Variants in EPS15 observed in about 807,000 individuals in gnomAD.
The protein encoded by EPS15 is epidermal growth factor receptor substrate 15.
Under a neutral mutation model 113.8 loss-of-function variants are expected in EPS15, and 72 were observed. That is an observed-to-expected ratio of 0.63 (90% confidence interval 0.52 to 0.77). The LOEUF (loss-of-function observed/expected upper bound fraction) is 0.77, where lower values mean the gene tolerates loss of function less well. Among genes scored for constraint, EPS15 ranks in the 30% least tolerant of loss-of-function variants. EPS15 has a pLI of 0.00. For missense variants in EPS15, 1,048 were observed against 1,045.8 expected (o/e 1.00, Z -0.03); for synonymous variants, 344 against 363.4 (o/e 0.95, Z 0.61).
intron 1 of EPS15, among the ~76,000 whole-genome samples, chr1:51,492,075 C>T (rs571550793): frequency 6.6e-6 from 1 of 152,076 alleles, no homozygotes; most frequent in Non-Finnish European, 1.5e-5. Flanking sequence ...TCTCAAACTC[C>T]TGGATTTAAG....
At chr1:51,490,860 G>A (rs1021750188) in intron 1 of EPS15, among the ~76,000 whole-genome samples, 3 of 152,014 alleles carry the variant, frequency 2.0e-5, no homozygotes, top group Non-Finnish European at 4.4e-5. Context: ...CTATAAAACC[G>A]GCAAAATTTA....
At chr1:51,357,426 A>ATATTTT (rs1443627608) in intron 24 of EPS15, among the ~76,000 whole-genome samples, 15 of 53,538 alleles carry the variant, frequency 2.8e-4, no homozygotes, top group South Asian at 9.2e-4. Flanking sequence ...ATATATATAT[A>ATATTTT]TTTTTTTTTT....
At chr1:51,363,812 T>C in intron 23 of EPS15, 54 bp downstream of exon 23, 1 of 1,532,634 alleles carries the variant, frequency 6.5e-7, no homozygotes, top group East Asian at 2.3e-5. Flanking sequence ...CACAATACTT[T>C]TCAGAAAGAG....
intron 1 of EPS15, among the ~76,000 whole-genome samples, chr1:51,514,818 T>G (rs1471440660): frequency 6.6e-6 from 1 of 152,212 alleles, no homozygotes; most frequent in Non-Finnish European, 1.5e-5. Flanking sequence ...TTGAGAAGGG[T>G]TAGATATCTC....
intron 1 of EPS15, among the ~76,000 whole-genome samples, chr1:51,491,605 C>T (rs1232262565): frequency 2.0e-5 from 3 of 152,008 alleles, no homozygotes; most frequent in African/African-American, 7.3e-5. Flanking sequence ...TCCAAAGTGA[C>T]AAGGAAAATA....
chr1:51,416,594 C>G (rs1370083278), intron 13 of EPS15, among the ~76,000 whole-genome samples: 1 of 152,122 alleles, frequency 6.6e-6, no homozygotes. Context: ...GGCAAATTAT[C>G]TGCTATCCCT....
intron 24 of EPS15, among the ~76,000 whole-genome samples, chr1:51,358,695 A>ATT (rs1646299139): frequency 7.1e-6 from 1 of 140,390 alleles, no homozygotes. Context: ...TTCCAACCAG[A>ATT]TTTGTTTTTT....
At chr1:51,516,199 A>G (rs1349877886) in intron 1 of EPS15, among the ~76,000 whole-genome samples, 1 of 152,206 alleles carries the variant, frequency 6.6e-6, no homozygotes, top group Non-Finnish European at 1.5e-5. Flanking sequence ...TCTATAAATC[A>G]TAGAACACTG....
intron 1 of EPS15, among the ~76,000 whole-genome samples, chr1:51,515,778 A>C (rs912280133): frequency 1.3e-5 from 2 of 152,250 alleles, no homozygotes; most frequent in Non-Finnish European, 2.9e-5. Flanking sequence ...AGCATCTAGT[A>C]CATAGAGAAG....
Position 51,356,376 on chromosome 1 carries a change from A to G in EPS15, c.*324T>C, listed in dbSNP as rs1447976084. On this transcript the variant is annotated 3_prime_UTR_variant, in exon 25 of 25. Transcript: ENST00000371733. The stretch of plus-strand genomic sequence containing the variant: ...TAGTGCAGGGTGAAACTATTTCTCT[A>G]TATTCCAGAAGGCAGAAGCTTGGGT... The G allele has an allele frequency of 2.8e-5, 8 of 287,866 alleles. No individual in the cohort carries two copies. Among genetic ancestry groups the G allele is most frequent in the Non-Finnish European group, 4.5e-5 (7 of 153,876 alleles). The allele number at this position is 287,866 out of a possible 1,614,324, so 17.8% of individuals were successfully genotyped here. A position where few individuals can be genotyped will look rare whatever the true frequency, so the allele number is the denominator to read the frequency against.
intron 21 of EPS15, among the ~76,000 whole-genome samples, chr1:51,380,023 T>C (rs1646902574): frequency 6.8e-6 from 1 of 147,830 alleles, no homozygotes; most frequent in South Asian, 2.1e-4. Flanking sequence ...ATCTTGCCAC[T>C]GCATTCCAGC....
chr1:51,460,147 G>C (rs1654332637), intron 8 of EPS15, among the ~76,000 whole-genome samples: 1 of 152,184 alleles, frequency 6.6e-6, no homozygotes, highest in African/African-American at 2.4e-5. Context: ...AACCACGAAA[G>C]AGAGTATCAC....
At chr1:51,495,793 G>T (rs921094453) in intron 1 of EPS15, among the ~76,000 whole-genome samples, 2 of 152,142 alleles carry the variant, frequency 1.3e-5, no homozygotes, top group African/African-American at 2.4e-5. Context: ...AATTGGGTGG[G>T]ATGATTAATA....
rs1654645763 is a variant in EPS15 at position 51,463,774 on chromosome 1, C to T, written c.400G>A (p.Ala134Thr). Residue 134 changes from alanine to threonine, a missense_variant, in exon 7 of 25, where the codon GCA (alanine) becomes ACA (threonine). Transcript: ENST00000371733. ...ACTGGGCTTAAACTATCAAATATTG[C>T]ATCATATTTGGCCTTATCTTCAGGC... ...VKPEDKAKYD[A>T]IFDSLSPVNG... The T allele has an allele frequency of 6.3e-7, 1 of 1,597,920 alleles. No individual in the cohort carries two copies. Among genetic ancestry groups the T allele is most frequent in the Middle Eastern group, 1.7e-4 (1 of 6,022 alleles).
intron 8 of EPS15, among the ~76,000 whole-genome samples, chr1:51,449,730 G>C (rs1054830642): frequency 9.2e-5 from 14 of 151,692 alleles, no homozygotes; most frequent in African/African-American, 3.4e-4. Flanking sequence ...TTGGGGGCTA[G>C]GGTTTTTCAG....
chr1:51,455,814 A>G (rs1653953723), intron 8 of EPS15, among the ~76,000 whole-genome samples: 1 of 152,144 alleles, frequency 6.6e-6, no homozygotes. Flanking sequence ...TGATTTTTTA[A>G]ATCTATTTTT....
chr1:51,374,898 C>G (rs1431706271), intron 21 of EPS15, among the ~76,000 whole-genome samples: 2 of 151,128 alleles, frequency 1.3e-5, no homozygotes, highest in Non-Finnish European at 2.9e-5. Flanking sequence ...GCCATGTTGG[C>G]CAGGCTGGTC....
chr1:51,493,221 CGTG>C (rs1048505886), intron 1 of EPS15, among the ~76,000 whole-genome samples: 16 of 152,216 alleles, frequency 1.1e-4, no homozygotes, highest in African/African-American at 3.9e-4. Context: ...ATTAGCCAGA[CGTG>C]GTGGTGGGCG....
chr1:51,418,639 A>G (rs1359587193), intron 13 of EPS15, among the ~76,000 whole-genome samples: 1 of 152,150 alleles, frequency 6.6e-6, no homozygotes, highest in Non-Finnish European at 1.5e-5. Flanking sequence ...AAGAGAAGAA[A>G]GAGCTTAAAG....
Sources: allele counts gnomAD v4.1 joint callset (sites outside exome capture counted in the v4.1 genomes callset), GRCh38; gene constraint gnomAD v4.1.1; transcripts MANE v1.5; gene names NCBI Gene and HGNC (gene_info 2026-07-23, HGNC 2026-07-21).